TRMT13: variants seen among roughly 807,000 people sequenced by gnomAD.
TRMT13 encodes the protein tRNA methyltransferase 13.
Under a neutral mutation model 55.9 loss-of-function variants are expected in TRMT13, and 45 were observed. The observed-to-expected ratio is 0.80, with a 90% CI of 0.63 to 1.03. The LOEUF (loss-of-function observed/expected upper bound fraction) is 1.03. Ranked by LOEUF, TRMT13 falls within the 50% of genes least tolerant of loss-of-function variation. The probability of loss-of-function intolerance (pLI) is 0.00; values close to 1 mark genes in which losing one functional copy is unlikely to be tolerated. For synonymous variants in TRMT13, 183 were observed against 196.3 expected, an observed-to-expected ratio of 0.93 and a Z score of 0.57; for missense variants, 513 against 563.9, an observed-to-expected ratio of 0.91 and a Z score of 0.91.
chr1:100,134,311 A>G (rs923274682), intron 1 of TRMT13, among the ~76,000 whole-genome samples: 4 of 152,220 alleles, frequency 2.6e-5, no homozygotes, highest in Non-Finnish European at 5.9e-5. Context: ...CAAAATGCTC[A>G]TAGGAAGAGA....
At chr1:100,136,605 T>C (rs1264129326) in intron 1 of TRMT13, among the ~76,000 whole-genome samples, 1 of 152,232 alleles carries the variant, frequency 6.6e-6, no homozygotes. Flanking sequence ...TGATGCTATC[T>C]TAGATTTCAG....
intron 2 of TRMT13, 36 bp downstream of exon 2, chr1:100,136,964 T>C: frequency 6.2e-7 from 1 of 1,602,084 alleles, no homozygotes; most frequent in Non-Finnish European, 8.5e-7. Flanking sequence ...TTTTTTGTGC[T>C]GGAAACAGTA....
Position 100,148,801 on chromosome 1 carries a change from C to T in TRMT13, c.1427C>T (p.Ser476Leu). ...ACTGCTTTACCAAATCATTCTTCAT[C>T]ACCAGAAACAACTGCTTAATGGAAA... ...LLTALPNHSS[S>L]PETTA is the part of the protein sequence containing the mutation. Residue 476 changes from serine to leucine, a missense_variant, in exon 11 of 11, where the codon TCA becomes TTA. Ser to Leu is a moderately radical substitution (Grantham distance 145). This residue lies in a region of TRMT13 where 209 missense variants were observed against 255.8 expected (regional missense o/e 0.82). Coordinates refer to ENST00000370141, the MANE Select transcript of TRMT13 (RefSeq NM_019083.3). The T allele has an allele frequency of 2.0e-6, 3 of 1,511,100 alleles. No individual in the cohort carries two copies. Among genetic ancestry groups the T allele is most frequent in the Non-Finnish European group, 2.6e-6 (3 of 1,132,156 alleles). The allele number at this position is 1,511,100 out of a possible 1,614,324, so 93.6% of individuals were successfully genotyped here. A position where few individuals can be genotyped will look rare whatever the true frequency, so the allele number is the denominator to read the frequency against.
Position 100,133,174 on chromosome 1 carries a change from G to A in TRMT13, c.6G>A (p.Ala2=), listed in dbSNP as rs1199801094. M[A]TSATSPHAPG... ...CGGAAGCGAGCCCTAGAATTATGGC[G>A]ACCTCCGCGACGTCGCCGCACGCGC... The change falls in exon 1 of 11, where the codon GCG becomes GCA. Residue 2 remains alanine, a synonymous_variant. Coordinates refer to ENST00000370141, the MANE Select transcript of TRMT13 (RefSeq NM_019083.3). The A allele has an allele frequency of 6.2e-7, 1 of 1,613,990 alleles. No homozygotes were observed. The highest frequency in any genetic ancestry group is 1.3e-5 in the African/African-American group (1 of 74,926).
chr1:100,146,071 CTG>C (rs1432601567), intron 9 of TRMT13, among the ~76,000 whole-genome samples: 2 of 152,182 alleles, frequency 1.3e-5, no homozygotes, highest in African/African-American at 2.4e-5. Flanking sequence ...TTTCCATAGA[CTG>C]TACTATTTCT....
rs1284686906 is a variant in TRMT13, at chr1:100,148,067, G to A, written c.991G>A (p.Val331Ile). The change falls in exon 10 of 11, where the codon GTT (valine) becomes ATT (isoleucine). Residue 331 changes from valine (V) to isoleucine (I), a missense_variant. Coordinates refer to ENST00000370141, the MANE Select transcript of TRMT13 (RefSeq NM_019083.3). ...GAAGTGGAACCCTGTGGCTGGCATTGTTATTGCACTCTGTTGTCACCACAG... is the reference window on the plus strand; with the variant it reads ...GAAGTGGAACCCTGTGGCTGGCATTATTATTGCACTCTGTTGTCACCACAG... ...PEKWNPVAGI[V>I]IALCCHHRCD... 1 of 1,614,238 alleles carries A rather than the reference G, an allele frequency of 6.2e-7. No homozygotes were observed. The highest frequency in any genetic ancestry group is 8.5e-7 in the Non-Finnish European group (1 of 1,180,046).
chr1:100,139,940 C>A (rs1656387490), intron 4 of TRMT13, among the ~76,000 whole-genome samples: 1 of 152,164 alleles, frequency 6.6e-6, no homozygotes, highest in Non-Finnish European at 1.5e-5. Context: ...TTCTTGAACC[C>A]TTCTGAGCCT....
intron 7 of TRMT13, chr1:100,142,775 A>G (rs745965915): frequency 4.3e-6 from 1 of 230,372 alleles, no homozygotes; most frequent in African/African-American, 2.3e-5. Context: ...AATGGTTGTG[A>G]TCTTTCAGGA....
chr1:100,148,567 T>A, intron 10 of TRMT13, 58 bp from the exon 11 acceptor site: 1 of 1,473,412 alleles, frequency 6.8e-7, no homozygotes. Flanking sequence ...ACAAAAATAA[T>A]TTTTTATAAA....
At chr1:100,139,418 C>T (rs1656317236) in intron 3 of TRMT13, among the ~76,000 whole-genome samples, 1 of 152,070 alleles carries the variant, frequency 6.6e-6, no homozygotes, top group Non-Finnish European at 1.5e-5. Flanking sequence ...ATATAAGATC[C>T]ACGAACACAT....
chr1:100,140,630 T>C, intron 6 of TRMT13, 116 bp downstream of exon 6: 1 of 925,794 alleles, frequency 1.1e-6, no homozygotes, highest in Non-Finnish European at 1.6e-6. Context: ...ACCAAATATT[T>C]CCATTTCAAA....
At chr1:100,140,795 C>T (rs1656516070) in intron 6 of TRMT13, 57 bp from the exon 7 acceptor site, 2 of 1,492,678 alleles carry the variant, frequency 1.3e-6, no homozygotes, top group Non-Finnish European at 1.8e-6. Flanking sequence ...TGCTGTTTTC[C>T]CATTTGAACC....
chr1:100,145,294 T>C (rs954457615), intron 9 of TRMT13, among the ~76,000 whole-genome samples: 7 of 152,244 alleles, frequency 4.6e-5, no homozygotes, highest in African/African-American at 1.7e-4. Flanking sequence ...ACTGTACTTT[T>C]GCATACCTTA....
intron 5 of TRMT13, 63 bp downstream of exon 5, chr1:100,140,314 T>C (rs2101728358): frequency 6.5e-7 from 1 of 1,549,178 alleles, no homozygotes; most frequent in South Asian, 1.1e-5. Context: ...TATGAGTTGA[T>C]ACCATTCTGG....
In TRMT13 at chr1:100,140,593, G is replaced by T. The variant is rs909474101; in HGVS notation, c.501+79G>T. ...CTGTTTTAAATGTAATTATTAATAA[G>T]ATTTTATTTTGTTTACCTTTGAGGG... On this transcript the variant is annotated intron_variant, in intron 6 of 10. Transcript: ENST00000370141. 4 of 1,145,778 alleles carry T rather than the reference G, an allele frequency of 3.5e-6. No homozygotes were observed. In the African/African-American group the frequency reaches 6.4e-5, roughly 18 times the overall value. The allele number at this position is 1,145,778 out of a possible 1,614,324, so 71.0% of individuals were successfully genotyped here.
Position 100,133,216 on chromosome 1 carries a change from G to C in TRMT13, c.48G>C (p.Glu16Asp), listed in dbSNP as rs1450212309. The C allele has an allele frequency of 6.2e-7, 1 of 1,614,206 alleles. No homozygotes were observed. The highest frequency in any genetic ancestry group is 1.1e-5 in the South Asian group (1 of 91,082). Reference sequence around the variant, plus strand: ...CGCACGCGCCTGGTTTTCCAGCTGAGGGTAGATGCGGTTACTATGTGGAAA... The same window carrying C: ...CGCACGCGCCTGGTTTTCCAGCTGACGGTAGATGCGGTTACTATGTGGAAA... ...TSPHAPGFPA[E>D]GRCGYYVEKK... Residue 16 changes from glutamate (E) to aspartate (D), a missense_variant, in exon 1 of 11, where the codon GAG becomes GAC. By Grantham distance (45) the Glu-to-Asp change is conservative. Coordinates refer to ENST00000370141, the MANE Select transcript of TRMT13 (RefSeq NM_019083.3).
At chr1:100,146,599 G>A (rs1477503137) in intron 9 of TRMT13, among the ~76,000 whole-genome samples, 8 of 151,796 alleles carry the variant, frequency 5.3e-5, no homozygotes, top group South Asian at 2.1e-4. Context: ...TCCGCCTCCC[G>A]GCTTCAAGCG....
Position 100,148,836 on chromosome 1 carries a change from A to G in TRMT13, c.*16A>G. On this transcript the variant is annotated 3_prime_UTR_variant, in exon 11 of 11. Transcript: ENST00000370141. ...AACTGCTTAATGGAAAAGAAATTTGAGCATCATCTGTCTTCCACCAAAAAA... is the reference window on the plus strand; with the variant it reads ...AACTGCTTAATGGAAAAGAAATTTGGGCATCATCTGTCTTCCACCAAAAAA... 7.0e-7 allele frequency: 1 copy of G among 1,425,816 alleles called. No homozygotes were observed. Among genetic ancestry groups the G allele is most frequent in the Admixed American group, 2.7e-5 (1 of 36,564 alleles). 88.3% of individuals were successfully genotyped at this position (1,425,816 alleles called of 1,614,324 possible). A position where few individuals can be genotyped will look rare whatever the true frequency, so the allele number is the denominator to read the frequency against.
chr1:100,135,971 T>C (rs1259047456), intron 1 of TRMT13, among the ~76,000 whole-genome samples: 1 of 152,210 alleles, frequency 6.6e-6, no homozygotes, highest in Non-Finnish European at 1.5e-5. Context: ...CTACAGTATT[T>C]AGTATGGTAA....
Sources: gnomAD v4.1 joint callset for allele counts (sites outside exome capture counted in the v4.1 genomes callset) on GRCh38, gnomAD v4.1.1 for gene constraint, gnomAD v4.1.1 regional missense constraint, MANE v1.5 for transcripts, NCBI Gene and HGNC (gene_info 2026-07-23, HGNC 2026-07-21) for gene names.